Variants in DUSP8 observed in about 807,000 individuals in gnomAD.
DUSP8 encodes dual specificity phosphatase 8.
A neutral mutation model predicts 38.7 loss-of-function variants in DUSP8; 15 were observed. The observed-to-expected ratio is 0.39, with a 90% CI of 0.26 to 0.60. DUSP8 has a LOEUF of 0.60. Ranked by LOEUF, DUSP8 falls within the 20% of genes least tolerant of loss-of-function variation. DUSP8 has a pLI of 0.56. For synonymous variants in DUSP8, 458 were observed against 433.9 expected, an observed-to-expected ratio of 1.06 and a Z score of -0.69; for missense variants, 768 against 915.0, an observed-to-expected ratio of 0.84 and a Z score of 2.07.
At position 1,554,522 on chromosome 11, in the gene DUSP8, C is replaced by A; in HGVS notation, c.*1996G>T. On this transcript the variant is annotated 3_prime_UTR_variant, in exon 7 of 7. Transcript: ENST00000397374. ...GAGGAGGCAGTGGCCAACACAGGAC[C>A]TTCGCCCCCCTGCTGGCTGCTCACT... The A allele has an allele frequency of 5.9e-6, 3 of 510,830 alleles. No individual in the cohort carries two copies. The highest frequency in any genetic ancestry group is 7.6e-6 in the Non-Finnish European group (3 of 393,748). The allele number at this position is 510,830 out of a possible 1,614,324, so 31.6% of individuals were successfully genotyped here.
chr11:1,557,112 C>G lies in DUSP8; in HGVS notation c.1284G>C (p.Pro428=), dbSNP rs1283397844. The change falls in exon 7 of 7, where the codon CCG becomes CCC. Residue 428 remains proline, a synonymous_variant. Coordinates refer to ENST00000397374, the MANE Select transcript of DUSP8 (RefSeq NM_004420.3). This position sits in a 1 kb window ranked among gnomAD's most constrained non-coding sequence, Gnocchi z 9.9. The part of the protein sequence containing the change: ...EAPKLCKLDS[P]SGAALGLSSP... ...AGGACAGGCCCAGCGCGGCCCCCGA[C>G]GGGCTGTCCAGCTTGCAGAGCTTCG... 5.1e-6 allele frequency: 7 copies of G among 1,379,614 alleles called. No individual in the cohort carries two copies. The highest frequency in any genetic ancestry group is 6.5e-6 in the Non-Finnish European group (7 of 1,075,780). The allele number at this position is 1,379,614 out of a possible 1,614,324, so 85.5% of individuals were successfully genotyped here.
At chr11:1,567,329 C>T (rs945646509) in intron 1 of DUSP8, among the ~76,000 whole-genome samples, 1 of 152,214 alleles carries the variant, frequency 6.6e-6, no homozygotes, top group African/African-American at 2.4e-5. Context: ...CTGAGGACAC[C>T]CATGCACTGC....
In DUSP8 at chr11:1,571,934, A is replaced by T. The variant is rs1848907131; in HGVS notation, c.-142T>A. ...CGCTCGCCTCGGGGGCGCTCCGGGGACCCGCGCCGCGCTCAGGGCGCCCGC... is the reference window on the plus strand; with the variant it reads ...CGCTCGCCTCGGGGGCGCTCCGGGGTCCCGCGCCGCGCTCAGGGCGCCCGC... On this transcript the variant is annotated 5_prime_UTR_variant, in exon 1 of 7. Transcript: ENST00000397374. 7.0e-6 allele frequency: 1 copy of T among 143,166 alleles called. No homozygotes were observed. Among genetic ancestry groups the T allele is most frequent in the South Asian group, 2.2e-4 (1 of 4,590 alleles). The allele number at this position is 143,166 out of a possible 1,614,324, so 8.9% of individuals were successfully genotyped here. A position where few individuals can be genotyped will look rare whatever the true frequency, so the allele number is the denominator to read the frequency against.
At chr11:1,560,589 C>G (rs1234806330) in intron 3 of DUSP8, among the ~76,000 whole-genome samples, 1 of 152,210 alleles carries the variant, frequency 6.6e-6, no homozygotes, top group Non-Finnish European at 1.5e-5. Flanking sequence ...TGGGAACCTG[C>G]TGACTGGACA....
chr11:1,560,267 C>T (rs762159328), intron 3 of DUSP8, among the ~76,000 whole-genome samples: 62 of 152,130 alleles, frequency 4.1e-4, no homozygotes, highest in Non-Finnish European at 1.2e-4. Context: ...GGCCTGGGAA[C>T]CCCAGGGCTC....
Position 1,565,577 on chromosome 11 carries a change from T to C in DUSP8, c.231+19A>G, listed in dbSNP as rs1448823251. 18 of 1,582,124 alleles carry C rather than the reference T, an allele frequency of 1.1e-5. No homozygotes were observed. The highest frequency in any genetic ancestry group is 1.5e-5 in the Non-Finnish European group (17 of 1,159,000). ...GACCCTGGACGTGATGCATGCCTGGTGGGCAGTGGGCTGGGTACCTGGCTG... is the reference window on the plus strand; with the variant it reads ...GACCCTGGACGTGATGCATGCCTGGCGGGCAGTGGGCTGGGTACCTGGCTG... On this transcript the variant is annotated intron_variant, in intron 2 of 6. Coordinates refer to ENST00000397374, the MANE Select transcript of DUSP8 (RefSeq NM_004420.3).
At chr11:1,572,427 C>T (rs542413061), upstream of DUSP8, among the ~76,000 whole-genome samples, 1 of 65,760 alleles carries the variant, frequency 1.5e-5, no homozygotes, top group Admixed American at 1.9e-4. The surrounding 1 kb of genome is among the most constrained non-coding windows in gnomAD (Gnocchi z 4.7). Context: ...AGGCGGCTGC[C>T]GCGGGGGGGG....
Position 1,557,264 on chromosome 11 carries a change from G to T in DUSP8, c.1132C>A (p.His378Asn). The change falls in exon 7 of 7, where the codon CAC becomes AAC. Residue 378 changes from histidine (H) to asparagine (N), a missense_variant. Around this residue, in one of 3 missense-constraint regions of DUSP8, gnomAD observed 474 missense variants for 430.8 expected, o/e 1.10. Transcript: ENST00000397374. This position sits in a 1 kb window ranked among gnomAD's most constrained non-coding sequence, Gnocchi z 9.9. ...SALQQGLRGL[H>N]LSSDRLQDTN... ...TCCTGCAGGCGGTCCGAGGAGAGGTGCAGGCCGCGCAGGCCCTGCTGCAGT... is the reference window on the plus strand; with the variant it reads ...TCCTGCAGGCGGTCCGAGGAGAGGTTCAGGCCGCGCAGGCCCTGCTGCAGT... The T allele has an allele frequency of 6.7e-7, 1 of 1,487,068 alleles. No homozygotes were observed. The highest frequency in any genetic ancestry group is 2.4e-5 in the Admixed American group (1 of 42,112). The allele number at this position is 1,487,068 out of a possible 1,614,324, so 92.1% of individuals were successfully genotyped here. A position where few individuals can be genotyped will look rare whatever the true frequency, so the allele number is the denominator to read the frequency against.
Position 1,563,872 on chromosome 11 carries a change from C to T in DUSP8, c.349G>A (p.Asp117Asn), listed in dbSNP as rs768994001. 19 of 1,541,682 alleles carry T rather than the reference C, an allele frequency of 1.2e-5. No individual in the cohort carries two copies. Among genetic ancestry groups the T allele is most frequent in the South Asian group, 2.4e-5 (2 of 82,342 alleles). The change falls in exon 3 of 7, where the codon GAC (aspartate) becomes AAC (asparagine). Residue 117 changes from aspartate to asparagine, a missense_variant. Around this residue, in one of 3 missense-constraint regions of DUSP8, gnomAD observed 252 missense variants for 410.4 expected, o/e 0.61. Transcript: ENST00000397374. ...TCACCAGTGAGGATGGCCACGCTGT[C>T]GAAGCAGCCGTCCAGCTTGCTCAGC... is the stretch of plus-strand genomic sequence containing the variant. ...ILLSKLDGCF[D>N]SVAILTGGFA...
At chr11:1,569,626 T>G (rs1192706151) in intron 1 of DUSP8, among the ~76,000 whole-genome samples, 3 of 152,132 alleles carry the variant, frequency 2.0e-5, no homozygotes. Context: ...CCAGCGTCTC[T>G]GTGCAGCACA....
Position 1,557,584 on chromosome 11 carries a change from A to T in DUSP8, c.822-10T>A. Reference sequence around the variant, plus strand: ...CCTGTCCTTCACGAACCTGCGGGGGAGGAGGCTCAGTCCCAGGCGCCCGCC... The same window carrying T: ...CCTGTCCTTCACGAACCTGCGGGGGTGGAGGCTCAGTCCCAGGCGCCCGCC... On this transcript the variant is annotated splice_polypyrimidine_tract_variant and intron_variant, in intron 6 of 6. Transcript: ENST00000397374. The surrounding 1 kb of genome is among the most constrained non-coding windows in gnomAD (Gnocchi z 9.9). The T allele has an allele frequency of 6.4e-7, 1 of 1,556,436 alleles. No individual in the cohort carries two copies. The highest frequency in any genetic ancestry group is 8.6e-7 in the Non-Finnish European group (1 of 1,159,700).
Position 1,555,362 on chromosome 11 carries a change from C to A in DUSP8, c.*1156G>T. The stretch of plus-strand genomic sequence containing the variant: ...GGCAGTGCTCCCTAAGTGAAGCAGG[C>A]CTATCCCAGCAGCACAGGGGCTTGG... On this transcript the variant is annotated 3_prime_UTR_variant, in exon 7 of 7. Transcript: ENST00000397374. The A allele has an allele frequency of 4.1e-6, 4 of 987,610 alleles. No homozygotes were observed. Among genetic ancestry groups the A allele is most frequent in the Non-Finnish European group, 4.8e-6 (4 of 830,168 alleles). 61.2% of individuals were successfully genotyped at this position (987,610 alleles called of 1,614,324 possible). A position where few individuals can be genotyped will look rare whatever the true frequency, so the allele number is the denominator to read the frequency against.
rs764293878 is a variant in DUSP8 at position 1,557,412 on chromosome 11, C to A, written c.984G>T (p.Pro328=). The A allele has an allele frequency of 1.3e-6, 2 of 1,565,314 alleles. No homozygotes were observed. The highest frequency in any genetic ancestry group is 8.6e-7 in the Non-Finnish European group (1 of 1,167,806). The change falls in exon 7 of 7, where the codon CCG becomes CCT. Residue 328 remains proline, a synonymous_variant. Coordinates refer to ENST00000397374, the MANE Select transcript of DUSP8 (RefSeq NM_004420.3). This position sits in a 1 kb window ranked among gnomAD's most constrained non-coding sequence, Gnocchi z 9.9. ...EPPPSPAAGA[P]LPRLPPPTSE... ...AGGTAGGTGGTGGCAGCCGTGGCAG[C>A]GGGGCCCCGGCGGCAGGACTGGGCG...
At chr11:1,569,435 C>T (rs1848854442) in intron 1 of DUSP8, among the ~76,000 whole-genome samples, 1 of 152,132 alleles carries the variant, frequency 6.6e-6, no homozygotes, top group South Asian at 2.1e-4. Context: ...TGCTCCTTAC[C>T]CACAATCCAC....
In DUSP8 at chr11:1,562,647, A is replaced by ATACATGCACACATG. The variant is rs750271548; in HGVS notation, c.370+1190_370+1203dup. On this transcript the variant is annotated intron_variant, in intron 3 of 6. Coordinates refer to ENST00000397374, the MANE Select transcript of DUSP8 (RefSeq NM_004420.3). ...CGCACACACAGGCATGCATATGCCC[A>ATACATGCACACATG]TACATGCACACATGTACATGCACAC... is the stretch of plus-strand genomic sequence containing the variant. 8.8e-3 allele frequency among the ~76,000 whole-genome samples: 1,346 copies of ATACATGCACACATG among 152,262 alleles called. 22 individuals carry two copies. Among genetic ancestry groups the ATACATGCACACATG allele is most frequent in the African/African-American group, 0.031 (1,269 of 41,528 alleles).
chr11:1,569,612 A>G (rs1848857584), intron 1 of DUSP8, among the ~76,000 whole-genome samples: 1 of 152,082 alleles, frequency 6.6e-6, no homozygotes, highest in Admixed American at 6.5e-5. Flanking sequence ...ACGAGCTCCC[A>G]CACCCAGCGT....
At chr11:1,566,515 C>A (rs1369753179) in intron 1 of DUSP8, among the ~76,000 whole-genome samples, 1 of 152,172 alleles carries the variant, frequency 6.6e-6, no homozygotes, top group Non-Finnish European at 1.5e-5. Context: ...AGAGTGGGCT[C>A]CCGGGGGCAG....
intron 3 of DUSP8, among the ~76,000 whole-genome samples, chr11:1,560,056 A>G (rs952954085): frequency 6.6e-6 from 1 of 152,180 alleles, no homozygotes; most frequent in Non-Finnish European, 1.5e-5. Context: ...GATGTGGACC[A>G]GAAACTGGGC....
rs1368275532 is a variant in DUSP8, at chr11:1,572,031, G to GCGTCGC, written c.-245_-240dup. 1 of 145,446 alleles carries GCGTCGC rather than the reference G, an allele frequency of 6.9e-6. No individual in the cohort carries two copies. Among genetic ancestry groups the GCGTCGC allele is most frequent in the Non-Finnish European group, 1.5e-5 (1 of 65,576 alleles). The allele number at this position is 145,446 out of a possible 1,614,324, so 9.0% of individuals were successfully genotyped here. A position where few individuals can be genotyped will look rare whatever the true frequency, so the allele number is the denominator to read the frequency against. ...CAGGGGCCGGGGGAGCGCGCGGGCC[G>GCGTCGC]CGTCGCCGTCGCCGCCGTCGCCGCC... is the stretch of plus-strand genomic sequence containing the variant. On this transcript the variant is annotated 5_prime_UTR_variant, in exon 1 of 7. Coordinates refer to ENST00000397374, the MANE Select transcript of DUSP8 (RefSeq NM_004420.3). This position sits in a 1 kb window ranked among gnomAD's most constrained non-coding sequence, Gnocchi z 4.7.
Sources: gnomAD v4.1 joint callset for allele counts (sites outside exome capture counted in the v4.1 genomes callset) on GRCh38, gnomAD v4.1.1 for gene constraint, gnomAD v4.1.1 regional missense constraint, Gnocchi (gnomAD v3.1) non-coding constraint, MANE v1.5 for transcripts, NCBI Gene and HGNC (gene_info 2026-07-23, HGNC 2026-07-21) for gene names.